KDM3A: variants seen among roughly 807,000 people sequenced by gnomAD.
KDM3A encodes lysine-specific demethylase 3A.
In KDM3A, 60 loss-of-function variants were observed where a neutral mutation model predicts 158.0. That is an observed-to-expected ratio of 0.38 (90% CI 0.31 to 0.47). The LOEUF is 0.47. Ranked by LOEUF, KDM3A falls within the 20% of genes least tolerant of loss-of-function variation. KDM3A has a pLI of 0.99. For missense variants in KDM3A, 1,319 were observed against 1,574.3 expected (o/e 0.84, Z 2.74); for synonymous variants, 608 against 549.3 (o/e 1.11, Z -1.49).
Position 86,466,882 on chromosome 2 carries a change from T to A in KDM3A, c.1518T>A (p.Asn506Lys). ...CCSRSNNKIQ[N>K]APSRKSVLTD... ...CAAGAAGCAACAATAAAATCCAGAA[T>A]GGTGAGTGTTTCTCAATATCTTTAT... Residue 506 changes from asparagine to lysine, a missense_variant and splice_region_variant, in exon 10 of 26, where the codon AAT becomes AAA. Around this residue, in one of 4 missense-constraint regions of KDM3A, gnomAD observed 652 missense variants for 627.2 expected, o/e 1.04. Transcript: ENST00000312912. 6.3e-7 allele frequency: 1 copy of A among 1,588,912 alleles called. No individual in the cohort carries two copies. The highest frequency in any genetic ancestry group is 1.4e-5 in the African/African-American group (1 of 73,982).
chr2:86,442,169 G>A lies in KDM3A; in HGVS notation c.122G>A (p.Trp41Ter). The change falls in exon 2 of 26, where the codon TGG becomes TAG. Residue 41 changes from tryptophan (W) to a stop codon, truncating the protein, a stop_gained. Coordinates refer to ENST00000312912, the MANE Select transcript of KDM3A (RefSeq NM_018433.6). LOFTEE classifies it high-confidence loss of function. The stretch of plus-strand genomic sequence containing the variant: ...TGGGACGTGGAGCGCGTCGCCGAGT[G>A]GCCCTGGCTCTCCGGGACCATTCGA... ...DSWDVERVAE[W>*]PWLSGTIRAV... is the part of the protein sequence containing the mutation. 6.2e-7 allele frequency: 1 copy of A among 1,614,090 alleles called. No homozygotes were observed. The highest frequency in any genetic ancestry group is 8.5e-7 in the Non-Finnish European group (1 of 1,180,004).
rs575989958 is a variant in KDM3A at position 86,469,486 on chromosome 2, G to C, written c.1520-718G>C. Among the ~76,000 whole-genome samples the C allele has an allele frequency of 2.0e-5, 3 of 152,312 alleles. No homozygotes were observed. In the South Asian group the frequency reaches 6.2e-4, roughly 32 times the overall value. The stretch of plus-strand genomic sequence containing the variant: ...TCTGACACGGTGATTGCTCTTTCCT[G>C]ATACATGTCTACCTTGTCTTTAGAA... On this transcript the variant is annotated intron_variant, in intron 10 of 25. Coordinates refer to ENST00000312912, the MANE Select transcript of KDM3A (RefSeq NM_018433.6).
intron 23 of KDM3A, 106 bp downstream of exon 23, chr2:86,489,765 A>G: frequency 1.6e-6 from 2 of 1,280,280 alleles, no homozygotes; most frequent in Non-Finnish European, 2.1e-6. Context: ...TCACAACCTG[A>G]AAAGTTAAAT....
upstream of KDM3A, among the ~76,000 whole-genome samples, chr2:86,439,304 T>A (rs1255915298): frequency 7.9e-5 from 12 of 152,052 alleles, no homozygotes; most frequent in African/African-American, 2.4e-4. Flanking sequence ...TGCATTCATA[T>A]AACACTAATT....
chr2:86,491,068 T>C lies in KDM3A; in HGVS notation c.3750+11T>C. On this transcript the variant is annotated intron_variant, in intron 24 of 25. Coordinates refer to ENST00000312912, the MANE Select transcript of KDM3A (RefSeq NM_018433.6). ...GGAGCTCCACATCAGGCAAGAATCATTACTTTTTCTTTAATCTCTTTATGT... is the reference window on the plus strand; with the variant it reads ...GGAGCTCCACATCAGGCAAGAATCACTACTTTTTCTTTAATCTCTTTATGT... The C allele has an allele frequency of 3.1e-6, 5 of 1,613,116 alleles. No individual in the cohort carries two copies. Among genetic ancestry groups the C allele is most frequent in the Non-Finnish European group, 4.2e-6 (5 of 1,179,574 alleles).
At chr2:86,445,000 C>G (rs1682897342) in intron 2 of KDM3A, among the ~76,000 whole-genome samples, 1 of 152,112 alleles carries the variant, frequency 6.6e-6, no homozygotes, top group Non-Finnish European at 1.5e-5. Context: ...GTGGCGATTA[C>G]TTCATTTAAT....
chr2:86,482,363 C>T (rs924578859), intron 17 of KDM3A, 95 bp from the exon 18 acceptor site: 25 of 1,541,610 alleles, frequency 1.6e-5, no homozygotes, highest in Non-Finnish European at 2.1e-5. Flanking sequence ...GGCTTGGAAT[C>T]TTCTGGATAT....
chr2:86,469,491 A>G (rs1437407276), intron 10 of KDM3A, among the ~76,000 whole-genome samples: 1 of 152,194 alleles, frequency 6.6e-6, no homozygotes, highest in Non-Finnish European at 1.5e-5. Context: ...TTCCTGATAC[A>G]TGTCTACCTT....
chr2:86,466,574 G>A lies in KDM3A; in HGVS notation c.1210G>A (p.Glu404Lys). The change falls in exon 10 of 26, where the codon GAG (glutamate) becomes AAG (lysine). Residue 404 changes from glutamate to lysine, a missense_variant. By Grantham distance (56) the Glu-to-Lys change is moderately conservative. Coordinates refer to ENST00000312912, the MANE Select transcript of KDM3A (RefSeq NM_018433.6). ...KTNTDQENRL[E>K]SVPQALTGLP... ...AAACACTGATCAGGAAAACAGATTGGAGTCTGTTCCACAAGCATTGACTGG... is the reference window on the plus strand; with the variant it reads ...AAACACTGATCAGGAAAACAGATTGAAGTCTGTTCCACAAGCATTGACTGG... 6.2e-7 allele frequency: 1 copy of A among 1,613,874 alleles called. No homozygotes were observed. Among genetic ancestry groups the A allele is most frequent in the Non-Finnish European group, 8.5e-7 (1 of 1,179,838 alleles).
chr2:86,487,448 C>G (rs1341744386), intron 21 of KDM3A: 1 of 152,196 alleles, frequency 6.6e-6, no homozygotes, highest in East Asian at 1.9e-4. Flanking sequence ...TGCAAAGGCT[C>G]TTTGGAGAGA....
At chr2:86,441,883 G>C (rs1057335344) in intron 1 of KDM3A, 135 bp from the exon 2 acceptor site, 50 of 447,396 alleles carry the variant, frequency 1.1e-4, no homozygotes, top group Non-Finnish European at 1.6e-4. Context: ...GGCGCAGGAG[G>C]GGGGCTCGGT....
At chr2:86,479,115 T>A (rs980825338) in intron 15 of KDM3A, 1 of 156,646 alleles carries the variant, frequency 6.4e-6, no homozygotes, top group Non-Finnish European at 1.4e-5. Context: ...TTACTAAATA[T>A]ATTTTGCCTG....
At chr2:86,477,480 A>ACG (rs1673712829) in intron 12 of KDM3A, among the ~76,000 whole-genome samples, 1 of 152,180 alleles carries the variant, frequency 6.6e-6, no homozygotes, top group Non-Finnish European at 1.5e-5. Flanking sequence ...AAAGCCTGGA[A>ACG]CATGCTGCCT....
chr2:86,478,315 A>C, intron 14 of KDM3A, 50 bp downstream of exon 14: 37 of 1,338,510 alleles, frequency 2.8e-5, no homozygotes, highest in Non-Finnish European at 3.7e-5. Context: ...TGGTTAACTC[A>C]TGGGAGCTGG....
intron 10 of KDM3A, among the ~76,000 whole-genome samples, chr2:86,467,139 G>C (rs1673193607): frequency 6.6e-6 from 1 of 152,182 alleles, no homozygotes; most frequent in Non-Finnish European, 1.5e-5. Context: ...ATTTTACCCT[G>C]TGAATTAGTG....
chr2:86,456,466 A>C lies in KDM3A; in HGVS notation c.581A>C (p.Glu194Ala). ...GGTGACAAAAACTTAGTTGGTTCAG[A>C]AGTAAAAATTTATAGCTTGGACCCA... Reference protein sequence around the residue: ...LKGDKNLVGSEVKIYSLDPST... With the variant: ...LKGDKNLVGSAVKIYSLDPST... Residue 194 changes from glutamate (E) to alanine (A), a missense_variant, in exon 6 of 26, where the codon GAA (glutamate) becomes GCA (alanine). By Grantham distance (107) the Glu-to-Ala change is moderately radical. Transcript: ENST00000312912. 1.9e-6 allele frequency: 3 copies of C among 1,550,480 alleles called. No homozygotes were observed. The highest frequency in any genetic ancestry group is 2.6e-6 in the Non-Finnish European group (3 of 1,150,048).
chr2:86,478,977 TGAA>T (rs1229126164), intron 15 of KDM3A: 2 of 322,542 alleles, frequency 6.2e-6, no homozygotes, highest in African/African-American at 4.3e-5. Flanking sequence ...TTTTGTTTCT[TGAA>T]GAAGCACAAA....
intron 5 of KDM3A, among the ~76,000 whole-genome samples, chr2:86,455,663 G>C (rs2104641738): frequency 6.6e-6 from 1 of 152,050 alleles, no homozygotes; most frequent in African/African-American, 2.4e-5. Context: ...AGTAAAGTAG[G>C]GCCAGGCACA....
intron 2 of KDM3A, among the ~76,000 whole-genome samples, chr2:86,448,882 A>AC (rs1292001967): frequency 6.6e-6 from 1 of 152,166 alleles, no homozygotes; most frequent in African/African-American, 2.4e-5. Context: ...ATTGAAGAGG[A>AC]CCTAGAGTAA....
Sources: allele counts gnomAD v4.1 joint callset (sites outside exome capture counted in the v4.1 genomes callset), GRCh38; gene constraint gnomAD v4.1.1; regional missense constraint gnomAD v4.1.1; transcripts MANE v1.5; gene names NCBI Gene and HGNC (gene_info 2026-07-23, HGNC 2026-07-21).